Variants in RACK1 observed in about 807,000 individuals in gnomAD.
RACK1 encodes the protein small ribosomal subunit protein RACK1.
A neutral mutation model predicts 42.2 loss-of-function variants in RACK1; 3 were observed. The ratio of observed to expected loss-of-function variants is 0.07; its 90% CI spans 0.03 to 0.18. The LOEUF (loss-of-function observed/expected upper bound fraction) is 0.18. RACK1 is among the 10% of genes least tolerant of loss of function. The pLI, the probability that RACK1 is intolerant of heterozygous loss-of-function variation, is 1.00. For missense variants in RACK1, 146 were observed against 403.2 expected, an observed-to-expected ratio of 0.36 and a Z score of 5.46; for synonymous variants, 181 against 154.8, an observed-to-expected ratio of 1.17 and a Z score of -1.25.
chr5:181,237,865 C>G, intron 6 of RACK1, 146 bp from the exon 7 acceptor site: 1 of 661,744 alleles, frequency 1.5e-6, no homozygotes. Flanking sequence ...TCAGTTGCCA[C>G]TAGTGGAAGG....
rs762483974 is a variant in RACK1, at chr5:181,237,525, G to A, written c.888+84C>T. On this transcript the variant is annotated intron_variant, in intron 7 of 7. Coordinates refer to ENST00000512805, the MANE Select transcript of RACK1 (RefSeq NM_006098.5). Reference sequence around the variant, plus strand: ...TTTATGCCAAGGACACTGCTCTTGTGTCTGACAGACTAGATATACTAACAG... The same window carrying A: ...TTTATGCCAAGGACACTGCTCTTGTATCTGACAGACTAGATATACTAACAG... 9.9e-6 allele frequency: 8 copies of A among 810,756 alleles called. No homozygotes were observed. In the Admixed American group the frequency reaches 1.1e-4, roughly 11 times the overall value. The allele number at this position is 810,756 out of a possible 1,614,324, so 50.2% of individuals were successfully genotyped here.
rs578087778 is a variant in RACK1, at chr5:181,243,705, G to A, written c.96C>T (p.Leu32=). 223 of 1,606,002 alleles carry A rather than the reference G, an allele frequency of 1.4e-4. 4 individuals are homozygous for A. In the South Asian group the frequency reaches 2.4e-3, roughly 17 times the overall value. Reference sequence around the variant, plus strand: ...CTTAGTCCGTACCTCGAGAGGCGGAGAGGATCATGTCCGGGAACTGCGGGG... The same window carrying A: ...CTTAGTCCGTACCTCGAGAGGCGGAAAGGATCATGTCCGGGAACTGCGGGG... ...ATTPQFPDMI[L]SASRDKTIIM... Residue 32 remains leucine (L), a synonymous_variant, in exon 1 of 8, where the codon CTC becomes CTT. Transcript: ENST00000512805.
intron 3 of RACK1, chr5:181,241,149 A>T: frequency 5.8e-6 from 1 of 172,236 alleles, no homozygotes; most frequent in Non-Finnish European, 1.2e-5. Flanking sequence ...AGGCAAAGAT[A>T]GGCAGGTGGG....
intron 6 of RACK1, 69 bp from the exon 7 acceptor site, chr5:181,237,788 A>G: frequency 1.1e-6 from 1 of 913,904 alleles, no homozygotes; most frequent in Non-Finnish European, 1.8e-6. Flanking sequence ...AAGCCCCTCA[A>G]GATTCTCAAG....
At chr5:181,237,170 T>C in intron 7 of RACK1, 128 bp from the exon 8 acceptor site, 1 of 1,526,032 alleles carries the variant, frequency 6.6e-7, no homozygotes, top group East Asian at 2.4e-5. Flanking sequence ...AGTGCAGGGG[T>C]GCGATCCTGG....
At chr5:181,238,813 A>C (rs1371539396) in intron 5 of RACK1, 4 of 454,442 alleles carry the variant, frequency 8.8e-6, no homozygotes, top group African/African-American at 7.8e-5. Flanking sequence ...AAAAAACAAA[A>C]AACAAACAAA....
intron 5 of RACK1, 47 bp from the exon 6 acceptor site, chr5:181,238,286 G>A: frequency 6.3e-7 from 1 of 1,589,508 alleles, no homozygotes; most frequent in Non-Finnish European, 8.6e-7. Flanking sequence ...TCTTCCAGAT[G>A]TTAATTCTGC....
chr5:181,238,547 G>GT, intron 5 of RACK1: 1 of 356,336 alleles, frequency 2.8e-6, no homozygotes, highest in Non-Finnish European at 5.3e-6. Context: ...GCTCATGCCT[G>GT]TAATCCCAGC....
At chr5:181,243,388 C>A (rs375027105) in intron 1 of RACK1, 5 of 1,425,848 alleles carry the variant, frequency 3.5e-6, no homozygotes, top group Non-Finnish European at 4.7e-6. Flanking sequence ...CCGCCCGGCC[C>A]GTAGGCCCCC....
rs1463326446 is a variant in RACK1, at chr5:181,241,673, G to A, written c.282-34C>T. The A allele has an allele frequency of 1.9e-6, 3 of 1,609,726 alleles. No individual in the cohort carries two copies. In the Admixed American group the frequency reaches 5.0e-5, roughly 27 times the overall value. On this transcript the variant is annotated intron_variant, in intron 2 of 7. Transcript: ENST00000512805. ...GAGGAGTTTGTCATTCTCAGACTTA[G>A]CAAACACTCTCATTCAACGGTCAGA...
At chr5:181,240,946 T>G (rs1759320045) in intron 3 of RACK1, 1 of 152,546 alleles carries the variant, frequency 6.6e-6, no homozygotes, top group South Asian at 2.0e-4. Context: ...CTGACCAACA[T>G]GGAGAAACCC....
At position 181,243,737 on chromosome 5, in the gene RACK1, C is replaced by T. The variant is rs779081202; in HGVS notation, c.64G>A (p.Ala22Thr). 1.4e-4 allele frequency: 218 copies of T among 1,609,766 alleles called. No homozygotes were observed. The highest frequency in any genetic ancestry group is 1.7e-4 in the Non-Finnish European group (204 of 1,178,266). ...ATGTCCGGGAACTGCGGGGTAGTAG[C>T]GATCTGGGTTACCCAGCCGTTGTGG... ...KGHNGWVTQI[A>T]TTPQFPDMIL... is the part of the protein sequence containing the mutation. Residue 22 changes from alanine (A) to threonine (T), a missense_variant, in exon 1 of 8, where the codon GCT (alanine) becomes ACT (threonine). Physicochemically the swap from Ala to Thr is moderately conservative, Grantham distance 58 (BLOSUM62 0). Transcript: ENST00000512805.
intron 3 of RACK1, 53 bp from the exon 4 acceptor site, chr5:181,239,635 T>C: frequency 8.4e-7 from 1 of 1,193,714 alleles, no homozygotes; most frequent in Non-Finnish European, 1.2e-6. Context: ...CATGAAATGC[T>C]AGACCTCCCA....
chr5:181,241,323 G>A, intron 3 of RACK1, 169 bp downstream of exon 3: 6 of 615,350 alleles, frequency 9.8e-6, no homozygotes, highest in East Asian at 2.7e-5. Context: ...CCAGCTACTC[G>A]GGAGACTGAG....
intron 6 of RACK1, 94 bp downstream of exon 6, chr5:181,238,004 TC>T: frequency 7.4e-7 from 1 of 1,356,494 alleles, no homozygotes; most frequent in African/African-American, 1.4e-5. Flanking sequence ...AAAGCTTAGC[TC>T]CCAGGTGGGA....
At chr5:181,241,897 A>G (rs1561681038) in intron 2 of RACK1, 4 of 766,524 alleles carry the variant, frequency 5.2e-6, no homozygotes, top group South Asian at 2.7e-5. Flanking sequence ...AGGACCCTCT[A>G]ATTCCACCTG....
intron 6 of RACK1, 153 bp downstream of exon 6, chr5:181,237,946 A>G (rs970480735): frequency 3.0e-6 from 2 of 657,256 alleles, no homozygotes; most frequent in Non-Finnish European, 4.6e-6. Context: ...AGGACTGCAC[A>G]CCACAACAGA....
In RACK1 at chr5:181,243,733, G is replaced by T; in HGVS notation, c.68C>A (p.Thr23Asn). 6.2e-7 allele frequency: 1 copy of T among 1,609,882 alleles called. No homozygotes were observed. The highest frequency in any genetic ancestry group is 8.5e-7 in the Non-Finnish European group (1 of 1,178,256). Reference sequence around the variant, plus strand: ...GATCATGTCCGGGAACTGCGGGGTAGTAGCGATCTGGGTTACCCAGCCGTT... The same window carrying T: ...GATCATGTCCGGGAACTGCGGGGTATTAGCGATCTGGGTTACCCAGCCGTT... ...GHNGWVTQIA[T>N]TPQFPDMILS... The change falls in exon 1 of 8, where the codon ACT becomes AAT. Residue 23 changes from threonine (T) to asparagine (N), a missense_variant. By Grantham distance (65) the Thr-to-Asn change is moderately conservative. Coordinates refer to ENST00000512805, the MANE Select transcript of RACK1 (RefSeq NM_006098.5).
rs1582291087 is a variant in RACK1 at position 181,236,916 on chromosome 5, A to G, written c.*61T>C. 6.5e-7 allele frequency: 1 copy of G among 1,545,108 alleles called. No individual in the cohort carries two copies. On this transcript the variant is annotated 3_prime_UTR_variant, in exon 8 of 8. Transcript: ENST00000512805. ...TGGAGCTTTTTTGCATATAAGAAAA[A>G]AAAACCTAAAAGTCAGAAAAGCCAG...
Sources: gnomAD v4.1 joint callset for allele counts on GRCh38, gnomAD v4.1.1 for gene constraint, MANE v1.5 for transcripts, NCBI Gene and HGNC (gene_info 2026-07-23, HGNC 2026-07-21) for gene names.